Variants in TLCD4 observed in about 807,000 individuals in gnomAD.
TLCD4 encodes the protein TLC domain containing 4.
In TLCD4, 7 loss-of-function variants were observed where a neutral mutation model predicts 24.2. The observed-to-expected ratio is 0.29, with a 90% CI of 0.16 to 0.54. TLCD4 has a LOEUF of 0.54. Among genes scored for constraint, TLCD4 ranks in the 20% least tolerant of loss-of-function variants. TLCD4 has a pLI of 0.95. For missense variants in TLCD4, 259 were observed against 313.9 expected, an observed-to-expected ratio of 0.82 and a Z score of 1.32; for synonymous variants, 103 against 106.4, an observed-to-expected ratio of 0.97 and a Z score of 0.20.
At chr1:95,177,340 G>A (rs536134759) in intron 6 of TLCD4, among the ~76,000 whole-genome samples, 6 of 152,066 alleles carry the variant, frequency 3.9e-5, no homozygotes, top group Non-Finnish European at 7.3e-5. Flanking sequence ...ATGATTATAT[G>A]TCTTGTTATT....
intron 6 of TLCD4, among the ~76,000 whole-genome samples, chr1:95,185,416 G>T (rs1165730873): frequency 6.6e-6 from 1 of 152,154 alleles, no homozygotes; most frequent in East Asian, 1.9e-4. Flanking sequence ...ATGGTTGATG[G>T]ACTCTAATGC....
chr1:95,191,999 A>G lies in TLCD4; in HGVS notation c.*131A>G. 1 of 1,446,324 alleles carries G rather than the reference A, an allele frequency of 6.9e-7. No homozygotes were observed. The highest frequency in any genetic ancestry group is 2.5e-5 in the East Asian group (1 of 40,242). The allele number at this position is 1,446,324 out of a possible 1,614,324, so 89.6% of individuals were successfully genotyped here. A position where few individuals can be genotyped will look rare whatever the true frequency, so the allele number is the denominator to read the frequency against. On this transcript the variant is annotated 3_prime_UTR_variant, in exon 7 of 7. Transcript: ENST00000370203. ...AGGATTTCAGTGTCATTTTTTTTAA[A>G]CCTTAGAAAAGAGAAGGCCGGGCAC...
At chr1:95,116,145 C>T (rs140881414), upstream of TLCD4, among the ~76,000 whole-genome samples, 269 of 152,220 alleles carry the variant, frequency 1.8e-3, 1 homozygote, top group African/African-American at 6.3e-3. Context: ...AGGTTTCTGT[C>T]CCTCCCTGTT....
intron 5 of TLCD4, among the ~76,000 whole-genome samples, chr1:95,156,792 A>G (rs1290884900): frequency 6.6e-6 from 1 of 152,156 alleles, no homozygotes; most frequent in Non-Finnish European, 1.5e-5. Flanking sequence ...AGACGACACC[A>G]TGGAAGGAAA....
At chr1:95,093,387 C>A in the TLCD4 span, among the ~76,000 whole-genome samples, 31 of 152,308 alleles carry the variant, frequency 2.0e-4, no homozygotes, top group East Asian at 4.8e-3. Flanking sequence ...TCTGTTCTAA[C>A]CTTGCATATT....
chr1:95,149,864 T>C (rs962586927), intron 3 of TLCD4, among the ~76,000 whole-genome samples: 1 of 152,168 alleles, frequency 6.6e-6, no homozygotes, highest in Non-Finnish European at 1.5e-5. Context: ...TATTTACAGA[T>C]CAAAATTTGT....
chr1:95,156,615 A>G (rs1455606946), intron 5 of TLCD4, among the ~76,000 whole-genome samples: 2 of 152,228 alleles, frequency 1.3e-5, no homozygotes, highest in African/African-American at 2.4e-5. Context: ...GAAGTAATAT[A>G]GGTGACAGAT....
chr1:95,101,002 G>A, the TLCD4 span, among the ~76,000 whole-genome samples: 1 of 151,778 alleles, frequency 6.6e-6, no homozygotes, highest in East Asian at 1.9e-4. Context: ...CTGCCTCCTG[G>A]GTTCAAGTGA....
intron 5 of TLCD4, among the ~76,000 whole-genome samples, chr1:95,156,830 T>TGAGATGTTAAGAGGTTTTTG (rs1373861904): frequency 3.3e-5 from 5 of 151,920 alleles, no homozygotes; most frequent in African/African-American, 1.2e-4. Flanking sequence ...AGAGATACTG[T>TGAGATGTTAAGAGGTTTTTG]GAGATGTTAA....
chr1:95,160,887 T>G (rs937156479), intron 5 of TLCD4, among the ~76,000 whole-genome samples: 1 of 152,258 alleles, frequency 6.6e-6, no homozygotes, highest in Non-Finnish European at 1.5e-5. Context: ...CTTGATGTGC[T>G]GCTGGATTTG....
intron 5 of TLCD4, among the ~76,000 whole-genome samples, chr1:95,172,716 CAAAT>C (rs1678272030): frequency 2.6e-5 from 4 of 152,128 alleles, no homozygotes; most frequent in Admixed American, 1.3e-4. Context: ...TAAAAATCAT[CAAAT>C]AAAAAGTCCA....
chr1:95,097,854 G>A, the TLCD4 span, among the ~76,000 whole-genome samples: 1 of 152,128 alleles, frequency 6.6e-6, no homozygotes, highest in Non-Finnish European at 1.5e-5. Context: ...TGTGCTCCTG[G>A]GGCTTTGCTG....
intron 6 of TLCD4, among the ~76,000 whole-genome samples, chr1:95,187,132 T>C (rs1185221659): frequency 6.6e-6 from 1 of 152,240 alleles, no homozygotes; most frequent in Non-Finnish European, 1.5e-5. Flanking sequence ...ATCTTTAGAA[T>C]AGTTTTACAT....
the TLCD4 span, among the ~76,000 whole-genome samples, chr1:95,095,417 T>A: frequency 6.6e-6 from 1 of 152,146 alleles, no homozygotes; most frequent in South Asian, 2.1e-4. Flanking sequence ...TTTTTATTTT[T>A]GAGACAGAGT....
chr1:95,151,268 G>GA, intron 4 of TLCD4, 57 bp from the exon 5 acceptor site: 1 of 1,574,290 alleles, frequency 6.4e-7, no homozygotes, highest in Non-Finnish European at 8.7e-7. Flanking sequence ...CAATACATTT[G>GA]AAAAACAGTG....
At chr1:95,189,407 ATTGT>A (rs1478057668) in intron 6 of TLCD4, among the ~76,000 whole-genome samples, 4 of 152,146 alleles carry the variant, frequency 2.6e-5, no homozygotes, top group African/African-American at 9.6e-5. Flanking sequence ...CTCCTAATTG[ATTGT>A]TTAAAATTTT....
At chr1:95,093,331 T>A in the TLCD4 span, among the ~76,000 whole-genome samples, 1 of 152,210 alleles carries the variant, frequency 6.6e-6, no homozygotes, top group Admixed American at 6.5e-5. Context: ...CAGGTTTCCA[T>A]TCTTTTATTT....
the TLCD4 span, among the ~76,000 whole-genome samples, chr1:95,105,072 A>G: frequency 6.6e-6 from 1 of 152,168 alleles, no homozygotes; most frequent in Non-Finnish European, 1.5e-5. Context: ...AATAAATTAT[A>G]CAAGATATTC....
At chr1:95,104,818 A>G in the TLCD4 span, among the ~76,000 whole-genome samples, 1 of 151,998 alleles carries the variant, frequency 6.6e-6, no homozygotes, top group Non-Finnish European at 1.5e-5. Context: ...TCTTGAGCTC[A>G]GAAGTTCAAG....
Sources: allele counts gnomAD v4.1 joint callset (sites outside exome capture counted in the v4.1 genomes callset), GRCh38; gene constraint gnomAD v4.1.1; transcripts MANE v1.5; gene names NCBI Gene and HGNC (gene_info 2026-07-23, HGNC 2026-07-21).